Variants in BAALC observed in about 807,000 individuals in gnomAD.
BAALC encodes the protein brain and acute leukemia cytoplasmic protein.
BAALC carries 9 observed loss-of-function variants against 15.5 expected under a neutral mutation model. That is an observed-to-expected ratio of 0.58 (90% CI 0.35 to 1.02). The LOEUF (loss-of-function observed/expected upper bound fraction) is 1.02, where lower values mean the gene tolerates loss of function less well. BAALC is among the 50% of genes least tolerant of loss of function. BAALC has a pLI of 0.02. For synonymous variants in BAALC, 80 were observed against 74.6 expected (o/e 1.07, Z -0.37); for missense variants, 201 against 192.4 (o/e 1.04, Z -0.27).
At chr8:103,187,331 T>C (rs1281204150) in intron 1 of BAALC, among the ~76,000 whole-genome samples, 1 of 152,134 alleles carries the variant, frequency 6.6e-6, no homozygotes, top group Admixed American at 6.6e-5. Context: ...TAATACAAGG[T>C]GGGAGTGGGG....
At chr8:103,153,901 G>T (rs565810693) in intron 1 of BAALC, among the ~76,000 whole-genome samples, 1 of 152,322 alleles carries the variant, frequency 6.6e-6, no homozygotes, top group South Asian at 2.1e-4. Flanking sequence ...TGGTCACCAT[G>T]ACAACAGGGC....
Position 103,228,162 on chromosome 8 carries a change from T to G in BAALC, c.*63T>G. On this transcript the variant is annotated 3_prime_UTR_variant, in exon 3 of 3. Transcript: ENST00000309982. ...GTGTCCTTCACGGCACTGGATCCCA[T>G]CAAAGAACCTTGAAGAAGTGGCTGC... is the stretch of plus-strand genomic sequence containing the variant. The G allele has an allele frequency of 8.6e-7, 1 of 1,167,722 alleles. No individual in the cohort carries two copies. Among genetic ancestry groups the G allele is most frequent in the Non-Finnish European group, 1.3e-6 (1 of 791,170 alleles). 72.3% of individuals were successfully genotyped at this position (1,167,722 alleles called of 1,614,324 possible).
intron 1 of BAALC, among the ~76,000 whole-genome samples, chr8:103,170,966 T>C (rs1251048102): frequency 1.3e-5 from 2 of 152,178 alleles, no homozygotes; most frequent in Non-Finnish European, 2.9e-5. Context: ...CACTATAAAA[T>C]TGTCATGGTA....
intron 2 of BAALC, chr8:103,215,046 C>T (rs1812527557): frequency 6.6e-6 from 1 of 152,238 alleles, no homozygotes; most frequent in African/African-American, 2.4e-5. Flanking sequence ...GTCTCCTTCC[C>T]ACACTTGTGC....
chr8:103,195,910 T>C (rs976951695), intron 1 of BAALC, among the ~76,000 whole-genome samples: 9 of 152,140 alleles, frequency 5.9e-5, no homozygotes, highest in African/African-American at 1.7e-4. Context: ...CCAACAGTGA[T>C]GAATGCACCA....
chr8:103,181,954 A>G (rs1250372128), intron 1 of BAALC, among the ~76,000 whole-genome samples: 2 of 152,210 alleles, frequency 1.3e-5, no homozygotes, highest in Admixed American at 1.3e-4. Context: ...CATACTTTAT[A>G]TACTGGATAG....
intron 2 of BAALC, 111 bp from the exon 3 acceptor site, chr8:103,227,878 C>T (rs1195906060): frequency 2.9e-6 from 2 of 699,866 alleles, no homozygotes; most frequent in African/African-American, 3.6e-5. Context: ...TTTTCCCAGG[C>T]ACATTCTCAA....
At chr8:103,168,847 A>G (rs1490552589) in intron 1 of BAALC, among the ~76,000 whole-genome samples, 1 of 152,088 alleles carries the variant, frequency 6.6e-6, no homozygotes, top group Non-Finnish European at 1.5e-5. Flanking sequence ...GTAGCTTTCT[A>G]TGTAAGAGGT....
chr8:103,171,373 A>G (rs1251618974), intron 1 of BAALC, among the ~76,000 whole-genome samples: 1 of 105,890 alleles, frequency 9.4e-6, no homozygotes, highest in Non-Finnish European at 2.1e-5. Flanking sequence ...AGGAGAAAGA[A>G]AGAAAGGCAA....
intron 1 of BAALC, among the ~76,000 whole-genome samples, chr8:103,201,472 G>T (rs1812216985): frequency 1.3e-5 from 2 of 152,348 alleles, no homozygotes; most frequent in South Asian, 2.1e-4. Flanking sequence ...GTGTCACACG[G>T]AAGAGGAAGG....
intron 1 of BAALC, among the ~76,000 whole-genome samples, chr8:103,196,622 G>C (rs1238812185): frequency 6.6e-6 from 1 of 152,174 alleles, no homozygotes; most frequent in Non-Finnish European, 1.5e-5. Context: ...ACCCATTGTA[G>C]AATGAAGTCC....
chr8:103,191,207 A>C (rs886582754), intron 1 of BAALC: 1 of 152,190 alleles, frequency 6.6e-6, no homozygotes, highest in African/African-American at 2.4e-5. Context: ...AAAAAAAAAA[A>C]AAGTTGAAAA....
chr8:103,180,612 G>A (rs1205025589), intron 1 of BAALC, among the ~76,000 whole-genome samples: 1 of 152,176 alleles, frequency 6.6e-6, no homozygotes, highest in Non-Finnish European at 1.5e-5. Context: ...GAGAGAAACT[G>A]GAAAACAGGG....
At chr8:103,149,838 G>A (rs764386322) in intron 1 of BAALC, among the ~76,000 whole-genome samples, 11 of 152,270 alleles carry the variant, frequency 7.2e-5, no homozygotes, top group Non-Finnish European at 1.6e-4. Flanking sequence ...AATTACTGTA[G>A]GTGATTCCTC....
chr8:103,177,306 T>C (rs771938267), intron 1 of BAALC, among the ~76,000 whole-genome samples: 2 of 151,902 alleles, frequency 1.3e-5, no homozygotes, highest in Non-Finnish European at 2.9e-5. Context: ...CACTTCAGTC[T>C]CCCAAGTGGC....
intron 2 of BAALC, among the ~76,000 whole-genome samples, chr8:103,222,577 T>G (rs1309913199): frequency 6.6e-6 from 1 of 152,164 alleles, no homozygotes; most frequent in Non-Finnish European, 1.5e-5. Context: ...CTCTTAAACA[T>G]CCTCACGACT....
At chr8:103,184,029 T>C (rs183423315) in intron 1 of BAALC, among the ~76,000 whole-genome samples, 3 of 152,342 alleles carry the variant, frequency 2.0e-5, no homozygotes, top group African/African-American at 7.2e-5. Flanking sequence ...TCCATTTCCT[T>C]TCCTTTTCCA....
rs1810761993 is a variant in BAALC at position 103,141,057 on chromosome 8, G to A, written c.160G>A (p.Gly54Ser). 1.3e-6 allele frequency: 2 copies of A among 1,491,906 alleles called. No homozygotes were observed. The highest frequency in any genetic ancestry group is 1.8e-6 in the Non-Finnish European group (2 of 1,121,288). The allele number at this position is 1,491,906 out of a possible 1,614,324, so 92.4% of individuals were successfully genotyped here. A position where few individuals can be genotyped will look rare whatever the true frequency, so the allele number is the denominator to read the frequency against. The change falls in exon 1 of 3, where the codon GGC becomes AGC. Residue 54 changes from glycine (G) to serine (S), a missense_variant and splice_region_variant. Physicochemically the swap from Gly to Ser is moderately conservative, Grantham distance 56. Coordinates refer to ENST00000309982, the MANE Select transcript of BAALC (RefSeq NM_024812.3). ...CCCCGAAGCGGGCGGCCTGCACTCG[G>A]GTAAGTGGCCGGGCCCCTGCAGACC... ...SGPEAGGLHS[G>S]MLEDGLPSNG...
chr8:103,178,841 A>G (rs1210200901), intron 1 of BAALC, among the ~76,000 whole-genome samples: 3 of 150,352 alleles, frequency 2.0e-5, no homozygotes, highest in African/African-American at 7.3e-5. Context: ...CCAGCCTGGG[A>G]TACAGAGTGA....
Sources: gnomAD v4.1 joint callset for allele counts (sites outside exome capture counted in the v4.1 genomes callset) on GRCh38, gnomAD v4.1.1 for gene constraint, MANE v1.5 for transcripts, NCBI Gene and HGNC (gene_info 2026-07-23, HGNC 2026-07-21) for gene names.